Variants in CCDC181 observed in about 807,000 individuals in gnomAD.
The protein encoded by CCDC181 is coiled-coil domain-containing protein 181.
Under a neutral mutation model 58.7 loss-of-function variants are expected in CCDC181, and 35 were observed. The ratio of observed to expected loss-of-function variants is 0.60; its 90% CI spans 0.46 to 0.79. CCDC181 has a LOEUF of 0.79. Ranked by LOEUF, CCDC181 falls within the 30% of genes least tolerant of loss-of-function variation. CCDC181 has a pLI of 0.00. For synonymous variants in CCDC181, 183 were observed against 197.5 expected, an observed-to-expected ratio of 0.93 and a Z score of 0.62; for missense variants, 517 against 583.9, an observed-to-expected ratio of 0.89 and a Z score of 1.18.
intron 4 of CCDC181, chr1:169,418,661 A>G (rs1177835499): frequency 7.2e-6 from 2 of 279,118 alleles, no homozygotes; most frequent in Non-Finnish European, 1.3e-5. Context: ...GATTTACATA[A>G]TATTTCTATA....
intron 2 of CCDC181, among the ~76,000 whole-genome samples, chr1:169,453,038 TAATC>T (rs758038513): frequency 2.6e-5 from 4 of 151,326 alleles, no homozygotes; most frequent in Non-Finnish European, 5.9e-5. Context: ...AAGAAATACA[TAATC>T]AATGTGAAGC....
At chr1:169,432,697 C>T (rs916809870) in intron 2 of CCDC181, among the ~76,000 whole-genome samples, 1 of 152,004 alleles carries the variant, frequency 6.6e-6, no homozygotes, top group African/African-American at 2.4e-5. Context: ...GATGGTTTAA[C>T]ATACAAAAAT....
chr1:169,424,758 A>G, intron 2 of CCDC181, 53 bp downstream of exon 2: 1 of 1,036,976 alleles, frequency 9.6e-7, no homozygotes, highest in Non-Finnish European at 1.4e-6. Flanking sequence ...ACCTTAAAGA[A>G]TTGCAAAGCA....
chr1:169,451,392 A>G (rs1235936532), intron 2 of CCDC181: 1 of 152,160 alleles, frequency 6.6e-6, no homozygotes, highest in Non-Finnish European at 1.5e-5. Flanking sequence ...AAAGATAACT[A>G]TAGTAGCACA....
chr1:169,446,024 T>C (rs1419869342), intron 2 of CCDC181, among the ~76,000 whole-genome samples: 1 of 152,172 alleles, frequency 6.6e-6, no homozygotes, highest in Non-Finnish European at 1.5e-5. Flanking sequence ...TTTATTGATT[T>C]TATTGATCTT....
chr1:169,439,558 G>T (rs1280954719), intron 2 of CCDC181, among the ~76,000 whole-genome samples: 1 of 152,120 alleles, frequency 6.6e-6, no homozygotes, highest in Non-Finnish European at 1.5e-5. Context: ...GGGCGAGCAC[G>T]TTTGGTCTCA....
intron 1 of CCDC181, among the ~76,000 whole-genome samples, chr1:169,425,472 T>A (rs184341899): frequency 6.6e-6 from 1 of 152,136 alleles, no homozygotes; most frequent in Non-Finnish European, 1.5e-5. Context: ...AAACACAAAA[T>A]AGATTTGCTA....
At chr1:169,410,626 G>T (rs1425241291) in intron 4 of CCDC181, among the ~76,000 whole-genome samples, 1 of 152,054 alleles carries the variant, frequency 6.6e-6, no homozygotes, top group Non-Finnish European at 1.5e-5. Context: ...TTCTAAAATT[G>T]ACCACATATG....
At position 169,419,167 on chromosome 1, in the gene CCDC181, A is replaced by G. The variant is rs563908890; in HGVS notation, c.1069-8T>C. ...TATTTTTCGTCGCTCTTCCTAGTAA[A>G]AGAATATGAAAAGACATTAATGGAA... On this transcript the variant is annotated splice_polypyrimidine_tract_variant and splice_region_variant and intron_variant, in intron 3 of 5. Transcript: ENST00000367806. The G allele has an allele frequency of 5.7e-6, 9 of 1,568,710 alleles. No homozygotes were observed. The East Asian group carries it at 2.0e-4, about 35-fold the overall frequency.
chr1:169,418,143 T>A (rs7544221), intron 4 of CCDC181, among the ~76,000 whole-genome samples: 99,346 of 151,970 alleles, frequency 0.65, 32,809 homozygotes, highest in East Asian at 0.93. Flanking sequence ...TTCAAACATT[T>A]TAAATTCACC....
At chr1:169,455,943 G>C (rs1442131283) in intron 2 of CCDC181, among the ~76,000 whole-genome samples, 1 of 152,032 alleles carries the variant, frequency 6.6e-6, no homozygotes, top group Non-Finnish European at 1.5e-5. Flanking sequence ...TTATAATGAA[G>C]AAGATACAGG....
At chr1:169,413,416 G>GGTGGGA (rs1656066198) in intron 4 of CCDC181, among the ~76,000 whole-genome samples, 3 of 152,288 alleles carry the variant, frequency 2.0e-5, no homozygotes, top group Admixed American at 2.0e-4. Context: ...TTACAGTGTT[G>GGTGGGA]GTGGGAGTGT....
At chr1:169,403,330 A>C (rs945248047) in intron 4 of CCDC181, among the ~76,000 whole-genome samples, 1 of 151,546 alleles carries the variant, frequency 6.6e-6, no homozygotes, top group African/African-American at 2.4e-5. Flanking sequence ...CATCTACAGA[A>C]CTCCACCCCA....
chr1:169,415,325 T>C (rs1656164902), intron 4 of CCDC181, among the ~76,000 whole-genome samples: 1 of 152,224 alleles, frequency 6.6e-6, no homozygotes, highest in Non-Finnish European at 1.5e-5. Context: ...CTGTAATCAC[T>C]ACAGCAATAT....
At chr1:169,438,223 C>A (rs991438441) in intron 2 of CCDC181, among the ~76,000 whole-genome samples, 6 of 151,700 alleles carry the variant, frequency 4.0e-5, no homozygotes, top group Non-Finnish European at 8.8e-5. Flanking sequence ...ATATATTAAT[C>A]AAACCCTTGC....
chr1:169,447,566 A>C (rs976767443), intron 2 of CCDC181, among the ~76,000 whole-genome samples: 1 of 152,214 alleles, frequency 6.6e-6, no homozygotes, highest in African/African-American at 2.4e-5. Context: ...AGTACTATTC[A>C]GGTCAACTAT....
intron 4 of CCDC181, among the ~76,000 whole-genome samples, chr1:169,406,889 A>G (rs149538525): frequency 6.8e-4 from 103 of 152,210 alleles, no homozygotes; most frequent in Middle Eastern, 3.4e-3. Flanking sequence ...AGTGGAATGA[A>G]CATTGCAGAA....
chr1:169,401,012 G>A lies in CCDC181; in HGVS notation c.1216-3621C>T, dbSNP rs1655313574. The stretch of plus-strand genomic sequence containing the variant: ...CATCAGAAGATTATATCCCGCACCT[G>A]GCTCAGAGGGTCCCACTCCCACAGA... On this transcript the variant is annotated intron_variant, in intron 4 of 5. Coordinates refer to ENST00000367806, the MANE Select transcript of CCDC181 (RefSeq NM_001300969.2). Among the ~76,000 whole-genome samples the A allele has an allele frequency of 3.3e-5, 5 of 152,172 alleles. 1 individual carries two copies. The highest frequency in any genetic ancestry group is 1.3e-4 in the Admixed American group (2 of 15,282).
chr1:169,445,605 T>C (rs1657352018), intron 2 of CCDC181, among the ~76,000 whole-genome samples: 1 of 152,198 alleles, frequency 6.6e-6, no homozygotes, highest in Admixed American at 6.6e-5. Context: ...TTTTCTTTCT[T>C]ATAATGTCTG....
Sources: allele counts gnomAD v4.1 joint callset (sites outside exome capture counted in the v4.1 genomes callset), GRCh38; gene constraint gnomAD v4.1.1; transcripts MANE v1.5; gene names NCBI Gene and HGNC (gene_info 2026-07-23, HGNC 2026-07-21).